CABYR: variants seen among roughly 807,000 people sequenced by gnomAD.
CABYR encodes calcium binding tyrosine phosphorylation regulated.
Under a neutral mutation model 36.1 loss-of-function variants are expected in CABYR, and 31 were observed. The ratio of observed to expected loss-of-function variants is 0.86; its 90% CI spans 0.64 to 1.16. CABYR has a LOEUF of 1.16. Among genes scored for constraint, CABYR ranks in the 50% most tolerant of loss-of-function variants. The probability of loss-of-function intolerance (pLI) is 0.00; values close to 1 mark genes in which losing one functional copy is unlikely to be tolerated. For missense variants in CABYR, 429 were observed against 455.8 expected (o/e 0.94, Z 0.53); for synonymous variants, 146 against 160.7 (o/e 0.91, Z 0.69).
chr18:24,140,202 CAG>C, intron 1 of CABYR: 1 of 152,198 alleles, frequency 6.6e-6, no homozygotes, highest in East Asian at 1.9e-4. Flanking sequence ...GCTGGGATTA[CAG>C]GCGTGAGCCA....
intron 4 of CABYR, chr18:24,156,582 G>A: frequency 6.2e-7 from 1 of 1,614,190 alleles, no homozygotes; most frequent in South Asian, 1.1e-5. Flanking sequence ...AAAATCTGTA[G>A]AGTCTGTAAA....
At chr18:24,146,894 C>T (rs1190559710) in intron 3 of CABYR, among the ~76,000 whole-genome samples, 1 of 152,028 alleles carries the variant, frequency 6.6e-6, no homozygotes, top group Non-Finnish European at 1.5e-5. Flanking sequence ...TTAATATATA[C>T]CCAGGGAATA....
chr18:24,150,104 G>T (rs1180805947), intron 3 of CABYR, among the ~76,000 whole-genome samples: 1 of 152,278 alleles, frequency 6.6e-6, no homozygotes, highest in African/African-American at 2.4e-5. Context: ...GCAGCACGCT[G>T]TCACTTCTCA....
intron 3 of CABYR, chr18:24,150,509 C>T: frequency 1.4e-6 from 1 of 728,880 alleles, no homozygotes; most frequent in South Asian, 6.2e-5. Flanking sequence ...AGAATGAGAT[C>T]TTTAGGAAGT....
intron 3 of CABYR, among the ~76,000 whole-genome samples, chr18:24,148,917 G>A (rs1037602606): frequency 6.6e-6 from 1 of 152,166 alleles, no homozygotes; most frequent in Non-Finnish European, 1.5e-5. Context: ...AGCTTCCACA[G>A]TGTGGAAGGG....
At position 24,155,844 on chromosome 18, in the gene CABYR, T is replaced by A. The variant is rs2085766984; in HGVS notation, c.343T>A (p.Tyr115Asn). 1.2e-6 allele frequency: 2 copies of A among 1,613,916 alleles called. No individual in the cohort carries two copies. The highest frequency in any genetic ancestry group is 1.1e-5 in the South Asian group (1 of 91,070). The change falls in exon 4 of 6, where the codon TAT (tyrosine) becomes AAT (asparagine). Residue 115 changes from tyrosine (Y) to asparagine (N), a missense_variant. Coordinates refer to ENST00000399496, the MANE Select transcript of CABYR (RefSeq NM_153769.3). ...TDEDNVTRTE[Y>N]SDKTTQFPSV... ...CGAGGACAATGTAACCAGAACAGAA[T>A]ATAGTGACAAAACCACCCAGTTTCC...
chr18:24,143,636 G>A (rs1017553424), intron 3 of CABYR, among the ~76,000 whole-genome samples: 1 of 151,874 alleles, frequency 6.6e-6, no homozygotes, highest in Non-Finnish European at 1.5e-5. Flanking sequence ...GGGCTCAAGG[G>A]ATCCTCCTGT....
chr18:24,156,629 A>G lies in CABYR; in HGVS notation c.541+587A>G, dbSNP rs754537955. ...TGGAGGAGAATGCAAAATATTCCTC[A>G]GTATATATGGAGGCAGAAGCAACAG... On this transcript the variant is annotated intron_variant, in intron 4 of 5. Transcript: ENST00000399496. The G allele has an allele frequency of 3.1e-5, 50 of 1,614,062 alleles. No homozygotes were observed. The East Asian group carries it at 7.6e-4, about 24-fold the overall frequency.
Position 24,143,169 on chromosome 18 carries a change from G to A in CABYR, c.55G>A (p.Glu19Lys), listed in dbSNP as rs760841937. 2.9e-5 allele frequency: 47 copies of A among 1,613,634 alleles called. No homozygotes were observed. Among genetic ancestry groups the A allele is most frequent in the Admixed American group, 5.0e-5 (3 of 59,946 alleles). The change falls in exon 2 of 6, where the codon GAG (glutamate) becomes AAG (lysine). Residue 19 changes from glutamate (E) to lysine (K), a missense_variant. By Grantham distance (56) the Glu-to-Lys change is moderately conservative. Coordinates refer to ENST00000399496, the MANE Select transcript of CABYR (RefSeq NM_153769.3). ...ACCCTATGGCCTCAAGACTCTGCTCGAGGGAATTAGCAGAGCTGTTCTCAA... is the reference window on the plus strand; with the variant it reads ...ACCCTATGGCCTCAAGACTCTGCTCAAGGGAATTAGCAGAGCTGTTCTCAA... ...VVPYGLKTLL[E>K]GISRAVLKTN...
chr18:24,141,234 G>A (rs963261157), intron 1 of CABYR, among the ~76,000 whole-genome samples: 3 of 152,228 alleles, frequency 2.0e-5, no homozygotes, highest in Non-Finnish European at 4.4e-5. Context: ...TTGGGAAGAT[G>A]AGATGTGTTT....
In CABYR at chr18:24,144,219, G is replaced by A. The variant is rs1229902508; in HGVS notation, c.199+806G>A. ...AACTGCTGTGTATGGTTATTAGTGA[G>A]TCTTGATATTTTTGGATTATCCCAG... is the stretch of plus-strand genomic sequence containing the variant. On this transcript the variant is annotated intron_variant, in intron 3 of 5. Transcript: ENST00000399496. Among the ~76,000 whole-genome samples the A allele has an allele frequency of 3.3e-5, 5 of 152,124 alleles. No individual in the cohort carries two copies. The East Asian group carries it at 9.6e-4, about 29-fold the overall frequency.
At chr18:24,150,065 G>A (rs536335300) in intron 3 of CABYR, among the ~76,000 whole-genome samples, 47 of 152,368 alleles carry the variant, frequency 3.1e-4, no homozygotes, top group African/African-American at 1.0e-3. Context: ...CAGAGGAGGC[G>A]CCAAGAGCGA....
intron 4 of CABYR, among the ~76,000 whole-genome samples, chr18:24,158,403 C>A (rs1444766401): frequency 6.6e-6 from 1 of 151,756 alleles, no homozygotes; most frequent in African/African-American, 2.4e-5. Context: ...ACCACAACCT[C>A]CGCCTCCTGG....
At chr18:24,150,324 A>C (rs2085586863) in intron 3 of CABYR, among the ~76,000 whole-genome samples, 1 of 152,216 alleles carries the variant, frequency 6.6e-6, no homozygotes, top group African/African-American at 2.4e-5. Context: ...CAAACTGGCC[A>C]TGCCCTCTTT....
chr18:24,139,500 C>T (rs2085248838), intron 1 of CABYR: 1 of 152,252 alleles, frequency 6.6e-6, no homozygotes, highest in Non-Finnish European at 1.5e-5. Flanking sequence ...GCTCCGAAGT[C>T]CCCGCTGGCA....
chr18:24,139,169 T>C (rs927028932), intron 1 of CABYR, 51 bp downstream of exon 1: 3 of 150,870 alleles, frequency 2.0e-5, no homozygotes, highest in African/African-American at 7.3e-5. Flanking sequence ...GAGACCATTA[T>C]GTCTCAGGGA....
intron 3 of CABYR, 39 bp from the exon 4 acceptor site, chr18:24,155,662 T>C (rs1203148166): frequency 1.4e-6 from 2 of 1,417,314 alleles, no homozygotes; most frequent in Admixed American, 2.2e-5. Context: ...TAAAAATCTT[T>C]TTAGATGTTA....
intron 3 of CABYR, among the ~76,000 whole-genome samples, chr18:24,147,754 C>G (rs1233945426): frequency 6.6e-6 from 1 of 152,088 alleles, no homozygotes; most frequent in Non-Finnish European, 1.5e-5. Context: ...GAATAAAAAA[C>G]AGATATGGTA....
At chr18:24,143,991 G>A (rs1189670987) in intron 3 of CABYR, among the ~76,000 whole-genome samples, 1 of 151,846 alleles carries the variant, frequency 6.6e-6, no homozygotes, top group Non-Finnish European at 1.5e-5. Flanking sequence ...TCTGCCTCCC[G>A]GGTTCAAACG....
Sources: allele counts gnomAD v4.1 joint callset (sites outside exome capture counted in the v4.1 genomes callset), GRCh38; gene constraint gnomAD v4.1.1; transcripts MANE v1.5; gene names NCBI Gene and HGNC (gene_info 2026-07-23, HGNC 2026-07-21).